The following COL4A3 variants were observed in gnomAD, a reference collection of about 807,000 sequenced individuals.
The protein encoded by COL4A3 is collagen type IV alpha 3 chain, also known as collagen alpha-3(IV) chain.
A neutral mutation model predicts 217.4 loss-of-function variants in COL4A3; 135 were observed. The ratio of observed to expected loss-of-function variants is 0.62; its 90% CI spans 0.54 to 0.72. The LOEUF (loss-of-function observed/expected upper bound fraction) is 0.72. Ranked by LOEUF, COL4A3 falls within the 30% of genes least tolerant of loss-of-function variation. The probability of loss-of-function intolerance (pLI) is 0.00; values close to 1 mark genes in which losing one functional copy is unlikely to be tolerated. For synonymous variants in COL4A3, 690 were observed against 736.3 expected, an observed-to-expected ratio of 0.94 and a Z score of 1.02; for missense variants, 1,868 against 2,119.9, an observed-to-expected ratio of 0.88 and a Z score of 2.33.
chr2:227,243,685 C>A (rs970103317), intron 3 of COL4A3, among the ~76,000 whole-genome samples: 48 of 152,376 alleles, frequency 3.2e-4, no homozygotes, highest in African/African-American at 1.1e-3. Flanking sequence ...AACTTTCACA[C>A]CACGTGGCCT....
chr2:227,266,554 C>A, intron 22 of COL4A3, 45 bp downstream of exon 22: 1 of 1,425,270 alleles, frequency 7.0e-7, no homozygotes, highest in Non-Finnish European at 9.9e-7. Flanking sequence ...CCTTTTTCAT[C>A]GTCATTATTA....
intron 1 of COL4A3, among the ~76,000 whole-genome samples, chr2:227,182,996 C>T (rs1167295452): frequency 2.0e-5 from 3 of 152,212 alleles, no homozygotes; most frequent in Non-Finnish European, 4.4e-5. Context: ...CACAAAGCAG[C>T]ATTTAGAGAA....
intron 39 of COL4A3, 34 bp downstream of exon 39, chr2:227,294,604 A>G: frequency 7.1e-7 from 1 of 1,417,354 alleles, no homozygotes; most frequent in Non-Finnish European, 1.0e-6. Flanking sequence ...TTTCCTTTTC[A>G]TGTGGGAGAC....
At chr2:227,251,269 G>A in intron 10 of COL4A3, 67 bp downstream of exon 10, 1 of 1,586,590 alleles carries the variant, frequency 6.3e-7, no homozygotes, top group Non-Finnish European at 8.6e-7. Context: ...TTATTAAAAA[G>A]TTATTAAAAG....
At chr2:227,196,135 A>G (rs2066466949) in intron 1 of COL4A3, among the ~76,000 whole-genome samples, 1 of 151,934 alleles carries the variant, frequency 6.6e-6, no homozygotes, top group East Asian at 1.9e-4. Context: ...TTGAAGGGAG[A>G]AAATTAGTTT....
intron 9 of COL4A3, among the ~76,000 whole-genome samples, chr2:227,249,425 G>C (rs1287582077): frequency 1.3e-5 from 2 of 149,814 alleles, no homozygotes; most frequent in Admixed American, 1.3e-4. Context: ...TAGTAGAGAT[G>C]GGGTTTCACC....
chr2:227,304,421 T>G, intron 46 of COL4A3: 1 of 410,738 alleles, frequency 2.4e-6, no homozygotes, highest in Non-Finnish European at 4.5e-6. Context: ...AAGGTATGTC[T>G]ATCTCCTCTG....
At chr2:227,183,058 A>G (rs1396155648) in intron 1 of COL4A3, among the ~76,000 whole-genome samples, 1 of 152,198 alleles carries the variant, frequency 6.6e-6, no homozygotes, top group African/African-American at 2.4e-5. Flanking sequence ...ATGCTTTTTC[A>G]ATTGGATAAA....
intron 1 of COL4A3, among the ~76,000 whole-genome samples, chr2:227,188,802 A>G (rs534157243): frequency 1.3e-5 from 2 of 152,334 alleles, no homozygotes; most frequent in South Asian, 4.2e-4. Context: ...ACTGTGTGCT[A>G]GGTGCTGTGT....
At chr2:227,238,214 A>G (rs568056860) in intron 2 of COL4A3, 190 bp downstream of exon 2, 34 of 485,298 alleles carry the variant, frequency 7.0e-5, no homozygotes, top group Non-Finnish European at 1.2e-4. Context: ...AGGAAGCTTC[A>G]GATACCTTGT....
intron 18 of COL4A3, among the ~76,000 whole-genome samples, chr2:227,258,174 C>T (rs938409829): frequency 6.6e-5 from 10 of 152,170 alleles, no homozygotes; most frequent in South Asian, 2.1e-4. Flanking sequence ...AAAGGGGACC[C>T]GGACTCTGAG....
At chr2:227,165,865 AC>A (rs11297525) in intron 1 of COL4A3, among the ~76,000 whole-genome samples, 71,801 of 151,904 alleles carry the variant, frequency 0.47, 18,817 homozygotes, top group African/African-American at 0.72. Context: ...CCTCTCTGAC[AC>A]CCCCCATACC....
intron 3 of COL4A3, among the ~76,000 whole-genome samples, chr2:227,242,417 C>T (rs1016661232): frequency 2.6e-5 from 4 of 152,176 alleles, no homozygotes; most frequent in African/African-American, 4.8e-5. Flanking sequence ...CACCCAGAAG[C>T]TCTCTGAACA....
In COL4A3 at chr2:227,203,018, T is replaced by C. The variant is rs868512945; in HGVS notation, c.88-34950T>C. On this transcript the variant is annotated intron_variant, in intron 1 of 51. Coordinates refer to ENST00000396578, the MANE Select transcript of COL4A3 (RefSeq NM_000091.5). ...ATATGTGTATATATACATATATGTGTATATATGTGTATATATACATATATG... is the reference window on the plus strand; with the variant it reads ...ATATGTGTATATATACATATATGTGCATATATGTGTATATATACATATATG... Among the ~76,000 whole-genome samples the C allele has an allele frequency of 5.9e-5, 2 of 33,908 alleles. 1 individual carries two copies. The highest frequency in any genetic ancestry group is 2.4e-3 in the South Asian group (2 of 820). The allele number at this position is 33,908 out of a possible 152,430, so 22.2% of individuals were successfully genotyped here.
At chr2:227,270,039 A>G in intron 24 of COL4A3, 59 bp downstream of exon 24, 1 of 1,432,380 alleles carries the variant, frequency 7.0e-7, no homozygotes, top group African/African-American at 1.4e-5. Flanking sequence ...CACTCTAGAA[A>G]TATGGTTGCA....
intron 5 of COL4A3, 139 bp from the exon 6 acceptor site, chr2:227,245,815 C>A: frequency 2.7e-6 from 2 of 744,088 alleles, no homozygotes; most frequent in Admixed American, 1.9e-5. Context: ...ATATGTAAAA[C>A]CACAATGTAC....
At chr2:227,208,980 C>A (rs1429657873) in intron 1 of COL4A3, among the ~76,000 whole-genome samples, 1 of 152,098 alleles carries the variant, frequency 6.6e-6, no homozygotes, top group Non-Finnish European at 1.5e-5. Flanking sequence ...GAAGAAAGAA[C>A]AGGAAGAGAA....
chr2:227,247,733 T>C (rs2069436962), intron 8 of COL4A3, 149 bp downstream of exon 8: 3 of 846,130 alleles, frequency 3.5e-6, no homozygotes, highest in Non-Finnish European at 6.0e-6. Flanking sequence ...CGGGACATGA[T>C]ATTTATTCCT....
At chr2:227,215,381 T>C (rs1207415856) in intron 1 of COL4A3, among the ~76,000 whole-genome samples, 1 of 152,190 alleles carries the variant, frequency 6.6e-6, no homozygotes, top group African/African-American at 2.4e-5. Context: ...TTTTTATGAG[T>C]TGCTGTAATA....
Sources: allele counts gnomAD v4.1 joint callset (sites outside exome capture counted in the v4.1 genomes callset), GRCh38; gene constraint gnomAD v4.1.1; transcripts MANE v1.5; gene names NCBI Gene and HGNC (gene_info 2026-07-23, HGNC 2026-07-21).